Variants in CAMK1D observed in about 807,000 individuals in gnomAD.
The protein encoded by CAMK1D is calcium/calmodulin dependent protein kinase ID.
Under a neutral mutation model 47.7 loss-of-function variants are expected in CAMK1D, and 9 were observed. The ratio of observed to expected loss-of-function variants is 0.19; its 90% CI spans 0.11 to 0.33. The LOEUF (loss-of-function observed/expected upper bound fraction) is 0.33, where lower values mean the gene tolerates loss of function less well. Ranked by LOEUF, CAMK1D falls within the 10% of genes least tolerant of loss-of-function variation. The pLI, the probability that CAMK1D is intolerant of heterozygous loss-of-function variation, is 1.00. For synonymous variants in CAMK1D, 184 were observed against 184.9 expected (o/e 0.99, Z 0.04); for missense variants, 291 against 488.7 (o/e 0.60, Z 3.81).
chr10:12,703,817 C>T (rs573225850), intron 3 of CAMK1D, among the ~76,000 whole-genome samples: 8 of 150,216 alleles, frequency 5.3e-5, no homozygotes, highest in African/African-American at 7.4e-5. Context: ...TGCAGTGAGC[C>T]GAGATCACGC....
intron 1 of CAMK1D, among the ~76,000 whole-genome samples, chr10:12,454,945 C>T (rs896837352): frequency 6.6e-6 from 1 of 152,190 alleles, no homozygotes; most frequent in Admixed American, 6.5e-5. Flanking sequence ...CATAAGATCC[C>T]TTATTTAGGA....
chr10:12,727,989 C>T (rs996197595), intron 3 of CAMK1D, among the ~76,000 whole-genome samples: 1 of 152,148 alleles, frequency 6.6e-6, no homozygotes, highest in Non-Finnish European at 1.5e-5. Context: ...TGGTCTCGGA[C>T]TCCTGACCTC....
chr10:12,418,268 A>G (rs1043301665), intron 1 of CAMK1D, among the ~76,000 whole-genome samples: 1 of 152,242 alleles, frequency 6.6e-6, no homozygotes, highest in Non-Finnish European at 1.5e-5. Context: ...CAACGCGGCC[A>G]TGCCTTGTGA....
intron 2 of CAMK1D, among the ~76,000 whole-genome samples, chr10:12,651,636 A>G (rs1330250431): frequency 6.6e-6 from 1 of 152,006 alleles, no homozygotes; most frequent in African/African-American, 2.4e-5. Flanking sequence ...TCCTGGGTTC[A>G]AGTGATCCTC....
At chr10:12,356,107 G>C (rs1337426226) in intron 1 of CAMK1D, among the ~76,000 whole-genome samples, 1 of 151,982 alleles carries the variant, frequency 6.6e-6, no homozygotes, top group Non-Finnish European at 1.5e-5. Context: ...ACTCCAGCCT[G>C]GGCGACAGAG....
intron 1 of CAMK1D, among the ~76,000 whole-genome samples, chr10:12,461,080 C>T (rs1197132415): frequency 6.6e-6 from 1 of 152,194 alleles, no homozygotes; most frequent in Non-Finnish European, 1.5e-5. Context: ...GACAGCATCT[C>T]TGGGGCTGGC....
At chr10:12,604,918 C>G (rs914990938) in intron 2 of CAMK1D, among the ~76,000 whole-genome samples, 2 of 150,096 alleles carry the variant, frequency 1.3e-5, no homozygotes, top group East Asian at 3.9e-4. Flanking sequence ...GATGGAGTCT[C>G]ACTCTGTCGC....
intron 1 of CAMK1D, among the ~76,000 whole-genome samples, chr10:12,500,978 A>G (rs1474553335): frequency 6.6e-6 from 1 of 152,190 alleles, no homozygotes; most frequent in Non-Finnish European, 1.5e-5. Flanking sequence ...CAGATGAGGA[A>G]AGTGAAGCTT....
intron 3 of CAMK1D, among the ~76,000 whole-genome samples, chr10:12,751,644 GT>G (rs1192555365): frequency 6.6e-6 from 1 of 152,194 alleles, no homozygotes; most frequent in Non-Finnish European, 1.5e-5. Context: ...AAGAGCGAAT[GT>G]ATTGAGGGGT....
At chr10:12,775,047 C>T (rs937540752) in intron 5 of CAMK1D, among the ~76,000 whole-genome samples, 4 of 150,702 alleles carry the variant, frequency 2.7e-5, no homozygotes, top group African/African-American at 7.3e-5. Flanking sequence ...TGTGAGAAGG[C>T]TCAGGCATTG....
At chr10:12,678,466 T>C (rs543940572) in intron 3 of CAMK1D, among the ~76,000 whole-genome samples, 47 of 152,358 alleles carry the variant, frequency 3.1e-4, no homozygotes, top group African/African-American at 1.1e-3. Context: ...TTTCCTGTTG[T>C]TGGATGAAGT....
intron 2 of CAMK1D, among the ~76,000 whole-genome samples, chr10:12,585,845 C>G (rs1172520949): frequency 6.6e-6 from 1 of 152,206 alleles, no homozygotes; most frequent in Admixed American, 6.5e-5. Context: ...CCTGCCATCT[C>G]GATCCTTCGG....
intron 6 of CAMK1D, among the ~76,000 whole-genome samples, chr10:12,813,962 AT>A (rs1223409204): frequency 8.6e-6 from 1 of 116,624 alleles, no homozygotes. Context: ...TTTTTTTTGC[AT>A]TTTTTAGTTG....
At chr10:12,484,374 A>T (rs1211699739) in intron 1 of CAMK1D, among the ~76,000 whole-genome samples, 2 of 152,196 alleles carry the variant, frequency 1.3e-5, no homozygotes, top group African/African-American at 4.8e-5. Context: ...ATTACAGGAG[A>T]TCCTGGGCTA....
intron 1 of CAMK1D, among the ~76,000 whole-genome samples, chr10:12,492,749 CA>C (rs1385489888): frequency 6.6e-6 from 1 of 152,216 alleles, no homozygotes; most frequent in African/African-American, 2.4e-5. Context: ...AGATTCTCAC[CA>C]CCCCAAGGAG....
At chr10:12,494,601 G>A (rs1006984040) in intron 1 of CAMK1D, among the ~76,000 whole-genome samples, 4 of 92,894 alleles carry the variant, frequency 4.3e-5, no homozygotes, top group Non-Finnish European at 6.6e-5. Context: ...GTCTCACTTT[G>A]TTGCCCAGGC....
rs534366497 is a variant in CAMK1D at position 12,430,308 on chromosome 10, C to G, written c.92+80398C>G. ...TCCCAAATGAACACGATCCGCTCTC[C>G]CGGAGAGCACAGCCCCACAAGGCAC... On this transcript the variant is annotated intron_variant, in intron 1 of 10. Transcript: ENST00000619168. 1.2e-4 allele frequency among the ~76,000 whole-genome samples: 18 copies of G among 152,278 alleles called. No individual in the cohort carries two copies. The South Asian group carries it at 3.7e-3, about 32-fold the overall frequency.
At chr10:12,646,859 G>A (rs1839823730) in intron 2 of CAMK1D, among the ~76,000 whole-genome samples, 2 of 151,818 alleles carry the variant, frequency 1.3e-5, no homozygotes, top group African/African-American at 4.8e-5. Context: ...TTTTAATTTT[G>A]TTTGCAGAGT....
chr10:12,510,811 G>C lies in CAMK1D; in HGVS notation c.93-42414G>C, dbSNP rs1361588697. ...TCCTGTGAATTCATTCTGTAGGGAA[G>C]ACAGTGCCAATGCATGCAAATGAAT... is the stretch of plus-strand genomic sequence containing the variant. On this transcript the variant is annotated intron_variant, in intron 1 of 10. Transcript: ENST00000619168. Among the ~76,000 whole-genome samples, 5 of 152,240 alleles carry C rather than the reference G, an allele frequency of 3.3e-5. No homozygotes were observed. The East Asian group carries it at 9.6e-4, about 29-fold the overall frequency.
Sources: allele counts gnomAD v4.1 joint callset (sites outside exome capture counted in the v4.1 genomes callset), GRCh38; gene constraint gnomAD v4.1.1; transcripts MANE v1.5; gene names NCBI Gene and HGNC (gene_info 2026-07-23, HGNC 2026-07-21).